The following LPIN3 variants were observed in gnomAD, a reference collection of about 807,000 sequenced individuals.
LPIN3 encodes phosphatidate phosphatase LPIN3.
LPIN3 carries 82 observed loss-of-function variants against 94.7 expected under a neutral mutation model. That is an observed-to-expected ratio of 0.87 (90% confidence interval 0.72 to 1.04). The LOEUF (loss-of-function observed/expected upper bound fraction) is 1.04, where lower values mean the gene tolerates loss of function less well. Ranked by LOEUF, LPIN3 falls within the 50% of genes least tolerant of loss-of-function variation. LPIN3 has a pLI of 0.00. For missense variants in LPIN3, 996 were observed against 1,090.5 expected, an observed-to-expected ratio of 0.91 and a Z score of 1.22; for synonymous variants, 418 against 443.3, an observed-to-expected ratio of 0.94 and a Z score of 0.72.
chr20:41,353,214 C>T (rs1473772658), intron 11 of LPIN3, among the ~76,000 whole-genome samples: 5 of 152,184 alleles, frequency 3.3e-5, no homozygotes, highest in Admixed American at 2.6e-4. Flanking sequence ...ATCTGAAATA[C>T]GGGGTTTGGG....
At position 41,354,829 on chromosome 20, in the gene LPIN3, C is replaced by G; in HGVS notation, c.1630C>G (p.Gln544Glu). The G allele has an allele frequency of 6.3e-7, 1 of 1,595,418 alleles. No homozygotes were observed. Among genetic ancestry groups the G allele is most frequent in the Non-Finnish European group, 8.5e-7 (1 of 1,170,814 alleles). Reference protein sequence around the residue: ...RDFLAEERSAQKEKTAAKEQQ... With the variant: ...RDFLAEERSAEKEKTAAKEQQ... ...GATGTTCTTTCCACAGCGCAGTGCC[C>G]AGAAGGAGAAGACTGCAGCCAAGGA... Residue 544 changes from glutamine (Q) to glutamate (E), a missense_variant, in exon 13 of 20, where the codon CAG (glutamine) becomes GAG (glutamate). By Grantham distance (29) the Gln-to-Glu change is conservative. Transcript: ENST00000373257.
intron 11 of LPIN3, among the ~76,000 whole-genome samples, chr20:41,353,585 G>T (rs776250423): frequency 6.6e-6 from 1 of 152,186 alleles, no homozygotes; most frequent in Non-Finnish European, 1.5e-5. Flanking sequence ...ATGCCCAGAG[G>T]GGGAAAGGAA....
Position 41,350,247 on chromosome 20 carries a change from G to T in LPIN3, c.952G>T (p.Gly318Cys), listed in dbSNP as rs2045959133. 1 of 1,613,802 alleles carries T rather than the reference G, an allele frequency of 6.2e-7. No individual in the cohort carries two copies. The highest frequency in any genetic ancestry group is 1.3e-5 in the African/African-American group (1 of 75,040). ...TGACACAGAGGATCCCACTCTAGTG[G>T]GTCCCCCTCTCCACACCCCAGAGAC... ...QPDTEDPTLV[G>C]PPLHTPETEE... is the part of the protein sequence containing the mutation. Residue 318 changes from glycine to cysteine, a missense_variant, in exon 7 of 20, where the codon GGT becomes TGT. Coordinates refer to ENST00000373257, the MANE Select transcript of LPIN3 (RefSeq NM_022896.3).
Position 41,350,013 on chromosome 20 carries a change from C to T in LPIN3, c.760-42C>T, listed in dbSNP as rs746000747. ...CCCCAAAAGCTTTGTGGGGCATGGG[C>T]CTTACCCTGGCCCACATCTTCCTCC... On this transcript the variant is annotated intron_variant, in intron 6 of 19. Coordinates refer to ENST00000373257, the MANE Select transcript of LPIN3 (RefSeq NM_022896.3). The T allele has an allele frequency of 3.3e-5, 52 of 1,565,098 alleles. No individual in the cohort carries two copies. The African/African-American group carries it at 4.2e-4, about 13-fold the overall frequency.
Position 41,351,808 on chromosome 20 carries a change from CTT to C in LPIN3, c.1103-12_1103-11del, listed in dbSNP as rs769798396. ...CATGTCAGCTCTACAGATATCCTCT[CTT>C]CAACTCTCAGGCTCCCCAAAGAGAA... On this transcript the variant is annotated splice_polypyrimidine_tract_variant and intron_variant, in intron 7 of 19. Coordinates refer to ENST00000373257, the MANE Select transcript of LPIN3 (RefSeq NM_022896.3). The C allele has an allele frequency of 9.9e-6, 16 of 1,613,308 alleles. No individual in the cohort carries two copies. In the South Asian group the frequency reaches 1.8e-4, roughly 18 times the overall value.
Position 41,349,096 on chromosome 20 carries a change from C to G in LPIN3, c.562C>G (p.Gln188Glu). 2 of 1,614,162 alleles carry G rather than the reference C, an allele frequency of 1.2e-6. No homozygotes were observed. The highest frequency in any genetic ancestry group is 1.7e-6 in the Non-Finnish European group (2 of 1,180,016). Reference sequence around the variant, plus strand: ...TTCCTTGTGGCCCCTTAGCAGTGTCCAGTTGGAAGAGAAGTCTTCACTGCA... The same window carrying G: ...TTCCTTGTGGCCCCTTAGCAGTGTCGAGTTGGAAGAGAAGTCTTCACTGCA... ...EKLRPEPPGV[Q>E]LEEKSSLQPK... Residue 188 changes from glutamine (Q) to glutamate (E), a missense_variant, in exon 5 of 20, where the codon CAG becomes GAG. Transcript: ENST00000373257.
Position 41,354,873 on chromosome 20 carries a change from AC to A in LPIN3, c.1664+15del, listed in dbSNP as rs755473644. On this transcript the variant is annotated intron_variant, in intron 13 of 19. Coordinates refer to ENST00000373257, the MANE Select transcript of LPIN3 (RefSeq NM_022896.3). ...CCAAGGAGCAGCAGGGGTGAGTGAG[AC>A]CCCCTATTGGGGCTCTGCAGGGGGA... 3.9e-6 allele frequency: 6 copies of A among 1,554,442 alleles called. No homozygotes were observed. Among genetic ancestry groups the A allele is most frequent in the East Asian group, 2.4e-5 (1 of 41,166 alleles).
In LPIN3 at chr20:41,352,697, A is replaced by G. The variant is rs753291835; in HGVS notation, c.1455A>G (p.Gly485=). 8.7e-6 allele frequency: 14 copies of G among 1,613,952 alleles called. No homozygotes were observed. The African/African-American group carries it at 9.3e-5, about 11-fold the overall frequency. The stretch of plus-strand genomic sequence containing the variant: ...CAAACCTAGTGGTGAAAATCAATGG[A>G]AAGTAAGTCCCAGAGCTGGGGCTGC... ...DDPNLVVKIN[G]KHYNWAVAAP... Residue 485 remains glycine (G), a splice_region_variant and synonymous_variant, in exon 10 of 20, where the codon GGA becomes GGG. Coordinates refer to ENST00000373257, the MANE Select transcript of LPIN3 (RefSeq NM_022896.3).
At position 41,354,874 on chromosome 20, in the gene LPIN3, C is replaced by A. The variant is rs1398212563; in HGVS notation, c.1664+11C>A. On this transcript the variant is annotated intron_variant, in intron 13 of 19. Coordinates refer to ENST00000373257, the MANE Select transcript of LPIN3 (RefSeq NM_022896.3). ...CAAGGAGCAGCAGGGGTGAGTGAGA[C>A]CCCCTATTGGGGCTCTGCAGGGGGA... 7.7e-6 allele frequency: 12 copies of A among 1,554,784 alleles called. No individual in the cohort carries two copies. In the South Asian group the frequency reaches 8.3e-5, roughly 11 times the overall value.
intron 5 of LPIN3, among the ~76,000 whole-genome samples, 181 bp downstream of exon 5, chr20:41,349,353 A>G (rs1283026286): frequency 6.6e-6 from 1 of 152,248 alleles, no homozygotes; most frequent in African/African-American, 2.4e-5. Flanking sequence ...TAAAATATAC[A>G]TAACATAAAT....
rs2046233859 is a variant in LPIN3, at chr20:41,357,087, G to C, written c.1851G>C (p.Val617=). ...GTGCCAATGATGTGGTCTTCAGCGT[G>C]ACCACTCAGTACCAGGGCACCTGCC... ...QEGANDVVFS[V]TTQYQGTCRC... The change falls in exon 15 of 20, where the codon GTG becomes GTC. Residue 617 remains valine, a synonymous_variant. Transcript: ENST00000373257. The C allele has an allele frequency of 6.2e-6, 10 of 1,614,050 alleles. No individual in the cohort carries two copies. The East Asian group carries it at 2.2e-4, about 36-fold the overall frequency.
chr20:41,341,347 C>T (rs920541559), intron 1 of LPIN3, among the ~76,000 whole-genome samples: 1 of 152,192 alleles, frequency 6.6e-6, no homozygotes, highest in East Asian at 1.9e-4. Context: ...GTGACTGGCC[C>T]TTGCCCTGCT....
In LPIN3 at chr20:41,349,168, G is replaced by A. The variant is rs2045906046; in HGVS notation, c.634G>A (p.Ala212Thr). 6.2e-7 allele frequency: 1 copy of A among 1,614,076 alleles called. No individual in the cohort carries two copies. Among genetic ancestry groups the A allele is most frequent in the Non-Finnish European group, 8.5e-7 (1 of 1,179,982 alleles). ...CTCGGATGGCGAGTGGCCCCCCCAG[G>A]CCAGGTAAGAGTCCAGGTGGGCTGC... The part of the protein sequence containing the change: ...PYSDGEWPPQ[A>T]SLSAGELTSP... Residue 212 changes from alanine to threonine, a missense_variant, in exon 5 of 20, where the codon GCC becomes ACC. By Grantham distance (58) the Ala-to-Thr change is moderately conservative. Transcript: ENST00000373257.
chr20:41,357,895 T>A lies in LPIN3; in HGVS notation c.2053T>A (p.Phe685Ile). 1 of 1,614,092 alleles carries A rather than the reference T, an allele frequency of 6.2e-7. No homozygotes were observed. Reference sequence around the variant, plus strand: ...CCCCACTCTCAGAAATGGGTACAAGTTCCTGTACTGCTCGGCGCGGGCCAT... The same window carrying A: ...CCCCACTCTCAGAAATGGGTACAAGATCCTGTACTGCTCGGCGCGGGCCAT... ...YHKIQLNGYK[F>I]LYCSARAIGM... Residue 685 changes from phenylalanine (F) to isoleucine (I), a missense_variant, in exon 17 of 20, where the codon TTC (phenylalanine) becomes ATC (isoleucine). Physicochemically the swap from Phe to Ile is conservative, Grantham distance 21 (BLOSUM62 0). Coordinates refer to ENST00000373257, the MANE Select transcript of LPIN3 (RefSeq NM_022896.3).
intron 14 of LPIN3, 123 bp downstream of exon 14, chr20:41,356,157 A>T: frequency 7.1e-7 from 1 of 1,414,224 alleles, no homozygotes; most frequent in Non-Finnish European, 9.6e-7. Context: ...GCCAGAATCT[A>T]TCCCCTTGGG....
intron 7 of LPIN3, among the ~76,000 whole-genome samples, chr20:41,350,827 G>A (rs1600725459): frequency 6.6e-6 from 1 of 152,314 alleles, no homozygotes; most frequent in South Asian, 2.1e-4. Flanking sequence ...GCCGGGATAG[G>A]AAGTTGGGGA....
At chr20:41,348,480 G>A (rs972196716) in intron 3 of LPIN3, 139 bp from the exon 4 acceptor site, 61 of 1,328,322 alleles carry the variant, frequency 4.6e-5, no homozygotes, top group Non-Finnish European at 5.8e-5. Flanking sequence ...GGGCCAGGCT[G>A]GTGCCTCCAC....
rs537237641 is a variant in LPIN3, at chr20:41,355,840, G to A, written c.1665-56G>A. 1.1e-3 allele frequency: 1,820 copies of A among 1,601,552 alleles called. 13 individuals are homozygous for A. The highest frequency in any genetic ancestry group is 8.5e-3 in the Middle Eastern group (51 of 5,988). On this transcript the variant is annotated intron_variant, in intron 13 of 19. Coordinates refer to ENST00000373257, the MANE Select transcript of LPIN3 (RefSeq NM_022896.3). ...GTCCAGCCTCCTCTTGGCATCTCCC[G>A]GGAGTGAAGGCCCTTTGGCTGGAGG...
chr20:41,354,633 A>G lies in LPIN3; in HGVS notation c.1528-12A>G, dbSNP rs755026657. The G allele has an allele frequency of 2.0e-5, 31 of 1,555,742 alleles. No individual in the cohort carries two copies. Among genetic ancestry groups the G allele is most frequent in the African/African-American group, 2.7e-5 (2 of 73,534 alleles). ...TGCAGGAAACACTGCCATGGCTTTC[A>G]TCTGCCCACAGAGCACCATGGACAA... On this transcript the variant is annotated splice_polypyrimidine_tract_variant and intron_variant, in intron 11 of 19. Transcript: ENST00000373257.
Sources: allele counts gnomAD v4.1 joint callset (sites outside exome capture counted in the v4.1 genomes callset), GRCh38; gene constraint gnomAD v4.1.1; transcripts MANE v1.5; gene names NCBI Gene and HGNC (gene_info 2026-07-23, HGNC 2026-07-21).